MYPN: variants seen among roughly 807,000 people sequenced by gnomAD.
MYPN encodes the protein myopalladin.
MYPN carries 63 observed loss-of-function variants against 129.4 expected under a neutral mutation model. The observed-to-expected ratio is 0.49, with a 90% CI of 0.40 to 0.60. The LOEUF is 0.60. MYPN is among the 20% of genes least tolerant of loss of function. The pLI, the probability that MYPN is intolerant of heterozygous loss-of-function variation, is 0.00. For synonymous variants in MYPN, 629 were observed against 600.9 expected (o/e 1.05, Z -0.68); for missense variants, 1,596 against 1,635.4 (o/e 0.98, Z 0.42).
At chr10:68,132,214 T>G (rs543991579) in intron 2 of MYPN, among the ~76,000 whole-genome samples, 133 of 152,320 alleles carry the variant, frequency 8.7e-4, no homozygotes, top group African/African-American at 2.4e-3. Context: ...GGATGTTGAA[T>G]TTTTTCAAGC....
intron 6 of MYPN, among the ~76,000 whole-genome samples, chr10:68,156,335 T>G (rs2042872941): frequency 6.6e-6 from 1 of 152,198 alleles, no homozygotes; most frequent in Non-Finnish European, 1.5e-5. Flanking sequence ...GAGGTCAGGG[T>G]GGAGGACATA....
At chr10:68,144,749 A>C (rs2042634254) in intron 3 of MYPN, among the ~76,000 whole-genome samples, 1 of 152,084 alleles carries the variant, frequency 6.6e-6, no homozygotes, top group Admixed American at 6.6e-5. Flanking sequence ...CTACACCTAC[A>C]ATGTTTGGAA....
At chr10:68,112,812 GTAA>G (rs1226207571) in intron 1 of MYPN, among the ~76,000 whole-genome samples, 2 of 152,116 alleles carry the variant, frequency 1.3e-5, no homozygotes, top group Non-Finnish European at 2.9e-5. Flanking sequence ...AGAAATAAAA[GTAA>G]GATGGGGATG....
At chr10:68,165,241 T>C (rs1054742249) in intron 8 of MYPN, among the ~76,000 whole-genome samples, 1 of 152,220 alleles carries the variant, frequency 6.6e-6, no homozygotes, top group Non-Finnish European at 1.5e-5. Context: ...TCACCTGAGG[T>C]CAGGAGTTTG....
At chr10:68,206,663 T>A in intron 18 of MYPN, 107 bp from the exon 19 acceptor site, 1 of 1,475,486 alleles carries the variant, frequency 6.8e-7, no homozygotes, top group Non-Finnish European at 9.5e-7. Context: ...AAATTTGTCT[T>A]GATGTCTGCC....
chr10:68,160,940 A>G (rs1264283391), intron 7 of MYPN, among the ~76,000 whole-genome samples: 2 of 152,154 alleles, frequency 1.3e-5, no homozygotes, highest in African/African-American at 4.8e-5. Flanking sequence ...CTACTCTTGA[A>G]AAAACTATGA....
intron 3 of MYPN, among the ~76,000 whole-genome samples, chr10:68,145,177 A>T (rs992584387): frequency 2.0e-5 from 3 of 151,942 alleles, no homozygotes; most frequent in African/African-American, 7.3e-5. Flanking sequence ...GGCATGCACC[A>T]CTATGCCCAG....
chr10:68,183,423 C>CT (rs1388129054), intron 12 of MYPN, among the ~76,000 whole-genome samples: 1 of 152,026 alleles, frequency 6.6e-6, no homozygotes, highest in Non-Finnish European at 1.5e-5. Flanking sequence ...GATCACACCG[C>CT]TGCACTCCAG....
chr10:68,191,243 G>C (rs2043507598), intron 13 of MYPN, among the ~76,000 whole-genome samples: 1 of 150,388 alleles, frequency 6.6e-6, no homozygotes, highest in Admixed American at 6.6e-5. Context: ...TTTGAGACAG[G>C]GTCTTGCTCT....
chr10:68,161,801 T>C lies in MYPN; in HGVS notation c.1483+49T>C, dbSNP rs200464560. On this transcript the variant is annotated intron_variant, in intron 8 of 19. Coordinates refer to ENST00000358913, the MANE Select transcript of MYPN (RefSeq NM_032578.4). The stretch of plus-strand genomic sequence containing the variant: ...TTATTAGTATATGAGTGATTTTATA[T>C]ATACAAGAATACATAATGAAGTTAC... 5.2e-6 allele frequency: 7 copies of C among 1,339,240 alleles called. No individual in the cohort carries two copies. In the East Asian group the frequency reaches 9.2e-5, roughly 18 times the overall value. The allele number at this position is 1,339,240 out of a possible 1,614,324, so 83.0% of individuals were successfully genotyped here.
chr10:68,139,248 C>T (rs903472614), intron 2 of MYPN, among the ~76,000 whole-genome samples: 5 of 152,166 alleles, frequency 3.3e-5, no homozygotes, highest in Non-Finnish European at 7.4e-5. Context: ...TGTATCTCTT[C>T]TCCCATTGTC....
At chr10:68,127,036 G>A (rs555338487) in intron 2 of MYPN, among the ~76,000 whole-genome samples, 1 of 152,322 alleles carries the variant, frequency 6.6e-6, no homozygotes, top group South Asian at 2.1e-4. Context: ...TCAGGCTGGA[G>A]GGCAATGGCC....
In MYPN at chr10:68,199,309, C is replaced by A. The variant is rs1015853963; in HGVS notation, c.3286-59C>A. 3.3e-6 allele frequency: 5 copies of A among 1,518,988 alleles called. No homozygotes were observed. The African/African-American group carries it at 5.5e-5, about 17-fold the overall frequency. 94.1% of individuals were successfully genotyped at this position (1,518,988 alleles called of 1,614,324 possible). A position where few individuals can be genotyped will look rare whatever the true frequency, so the allele number is the denominator to read the frequency against. On this transcript the variant is annotated intron_variant, in intron 16 of 19. Transcript: ENST00000358913. ...TGCCAAGCAAGGATAAAGAATTCAGCCATCAAATAAATGTGCCTGTCATCA... is the reference window on the plus strand; with the variant it reads ...TGCCAAGCAAGGATAAAGAATTCAGACATCAAATAAATGTGCCTGTCATCA...
rs748856824 is a variant in MYPN, at chr10:68,143,068, C to T, written c.1031C>T (p.Ser344Phe). The T allele has an allele frequency of 3.1e-6, 5 of 1,614,118 alleles. No individual in the cohort carries two copies. The Admixed American group carries it at 5.0e-5, about 16-fold the overall frequency. The change falls in exon 3 of 20, where the codon TCT (serine) becomes TTT (phenylalanine). Residue 344 changes from serine to phenylalanine, a missense_variant. Transcript: ENST00000358913. ...ACAGGACGCTATTCCTGCTTTGCTT[C>T]TAACATCTATGGGACAGATTCGACT... is the stretch of plus-strand genomic sequence containing the variant. Reference protein sequence around the residue: ...EDTGRYSCFASNIYGTDSTSA... With the variant: ...EDTGRYSCFAFNIYGTDSTSA...
intron 4 of MYPN, among the ~76,000 whole-genome samples, chr10:68,146,020 T>A (rs61550136): frequency 0.03 from 4,526 of 152,270 alleles, 219 homozygotes; most frequent in African/African-American, 0.1. Flanking sequence ...CGACCAGTTA[T>A]TCTCTAAAAG....
intron 6 of MYPN, among the ~76,000 whole-genome samples, chr10:68,155,036 C>T (rs1411074955): frequency 1.3e-5 from 2 of 151,980 alleles, no homozygotes; most frequent in Admixed American, 1.3e-4. Flanking sequence ...CAAAAATTAG[C>T]CGGGCATGGT....
chr10:68,173,334 G>C (rs955056718), intron 10 of MYPN, among the ~76,000 whole-genome samples: 1 of 152,180 alleles, frequency 6.6e-6, no homozygotes, highest in Middle Eastern at 3.2e-3. Context: ...AGTGCCTTCT[G>C]TTCTGAAGCT....
intron 4 of MYPN, 62 bp from the exon 5 acceptor site, chr10:68,148,291 A>G: frequency 2.2e-6 from 3 of 1,354,534 alleles, no homozygotes; most frequent in Non-Finnish European, 3.2e-6. Flanking sequence ...TAGTTTTCCT[A>G]AAATAATTTT....
At position 68,211,047 on chromosome 10, in the gene MYPN, G is replaced by GT. The variant is rs1415513717; in HGVS notation, c.*593dup. The GT allele has an allele frequency of 1.1e-5, 5 of 454,082 alleles. No individual in the cohort carries two copies. The highest frequency in any genetic ancestry group is 2.2e-5 in the Non-Finnish European group (5 of 226,798). The allele number at this position is 454,082 out of a possible 1,614,324, so 28.1% of individuals were successfully genotyped here. A position where few individuals can be genotyped will look rare whatever the true frequency, so the allele number is the denominator to read the frequency against. ...TGGGTGTACTGAGCCACATAATAAGGTGTCAAAATGTGCTTGAGATTCCAA... is the reference window on the plus strand; with the variant it reads ...TGGGTGTACTGAGCCACATAATAAGGTTGTCAAAATGTGCTTGAGATTCCAA... On this transcript the variant is annotated 3_prime_UTR_variant, in exon 20 of 20. Transcript: ENST00000358913.
Sources: gnomAD v4.1 joint callset for allele counts (sites outside exome capture counted in the v4.1 genomes callset) on GRCh38, gnomAD v4.1.1 for gene constraint, MANE v1.5 for transcripts, NCBI Gene and HGNC (gene_info 2026-07-23, HGNC 2026-07-21) for gene names.